The following MTAP variants were observed in gnomAD, a reference collection of about 807,000 sequenced individuals.
The protein encoded by MTAP is S-methyl-5'-thioadenosine phosphorylase.
Under a neutral mutation model 33.6 loss-of-function variants are expected in MTAP, and 33 were observed. That is an observed-to-expected ratio of 0.98 (90% CI 0.74 to 1.31). The LOEUF is 1.31. Among genes scored for constraint, MTAP ranks in the 40% most tolerant of loss-of-function variants. MTAP has a pLI of 0.00. For missense variants in MTAP, 367 were observed against 360.0 expected, an observed-to-expected ratio of 1.02 and a Z score of -0.16; for synonymous variants, 148 against 125.7, an observed-to-expected ratio of 1.18 and a Z score of -1.19.
intron 1 of MTAP, among the ~76,000 whole-genome samples, chr9:21,882,056 C>T (rs1041972232): frequency 1.3e-5 from 2 of 151,878 alleles, no homozygotes; most frequent in African/African-American, 2.4e-5. Context: ...GAAGTATTTC[C>T]TTCATTTAGC....
At chr9:21,822,461 G>C (rs1824668326) in intron 4 of MTAP, among the ~76,000 whole-genome samples, 2 of 152,068 alleles carry the variant, frequency 1.3e-5, no homozygotes, top group African/African-American at 4.8e-5. Flanking sequence ...TCTTAATCCT[G>C]AGTTCTAGTT....
intron 1 of MTAP, among the ~76,000 whole-genome samples, chr9:21,923,304 G>T (rs1818818023): frequency 6.6e-6 from 1 of 152,172 alleles, no homozygotes; most frequent in Non-Finnish European, 1.5e-5. Flanking sequence ...GGTGGCTTTT[G>T]AAGCAGTTTT....
At position 21,837,896 on chromosome 9, in the gene MTAP, T is replaced by A. The variant is rs752958978; in HGVS notation, c.348-12T>A. 1.2e-6 allele frequency: 2 copies of A among 1,608,626 alleles called. No individual in the cohort carries two copies. The highest frequency in any genetic ancestry group is 1.3e-5 in the African/African-American group (1 of 74,726). On this transcript the variant is annotated splice_polypyrimidine_tract_variant and intron_variant, in intron 4 of 7. Coordinates refer to ENST00000644715, the MANE Select transcript of MTAP (RefSeq NM_002451.4). ...TAAAACAAACAAAAACCTTTTTTGCTTTATTTTGTAGGACCACTATGAGAC... is the reference window on the plus strand; with the variant it reads ...TAAAACAAACAAAAACCTTTTTTGCATTATTTTGTAGGACCACTATGAGAC...
intron 5 of MTAP, among the ~76,000 whole-genome samples, chr9:21,854,001 C>G (rs776127543): frequency 2.0e-5 from 3 of 152,116 alleles, no homozygotes; most frequent in Non-Finnish European, 4.4e-5. Context: ...AATGATGTTT[C>G]TAAAAATCCA....
At chr9:21,914,373 A>G (rs1314164813) in intron 1 of MTAP, among the ~76,000 whole-genome samples, 2 of 152,160 alleles carry the variant, frequency 1.3e-5, no homozygotes, top group Non-Finnish European at 2.9e-5. Context: ...AAAGACTTGG[A>G]ACCGACCCAA....
chr9:21,937,172 C>T (rs1214717488), exon 8 of MTAP: 1 of 152,192 alleles, frequency 6.6e-6, no homozygotes, highest in Non-Finnish European at 1.5e-5. Context: ...AACTCCATCT[C>T]TACTAAAAAT....
At chr9:21,824,272 G>T (rs1187424535) in intron 4 of MTAP, among the ~76,000 whole-genome samples, 1 of 152,170 alleles carries the variant, frequency 6.6e-6, no homozygotes, top group African/African-American at 2.4e-5. Context: ...ACATACAGAT[G>T]TGGTTTTGGT....
chr9:21,894,734 T>A (rs1327021406), intron 1 of MTAP, among the ~76,000 whole-genome samples: 1 of 151,398 alleles, frequency 6.6e-6, no homozygotes, highest in Non-Finnish European at 1.5e-5. Context: ...ACCCTAGAAC[T>A]CAAAGTGTAA....
rs1186355812 is a variant in MTAP, at chr9:21,864,830, G to A, written c.*2816G>A. ...ACGTGAGCCTGCTCTGGCATCCACA[G>A]GATGCTCCTGGAGCCTCTTCTCTGG... On this transcript the variant is annotated 3_prime_UTR_variant, in exon 8 of 8. Coordinates refer to ENST00000644715, the MANE Select transcript of MTAP (RefSeq NM_002451.4). 1.0e-6 allele frequency: 1 copy of A among 985,382 alleles called. No individual in the cohort carries two copies. 61.0% of individuals were successfully genotyped at this position (985,382 alleles called of 1,614,324 possible).
At chr9:21,919,522 A>T (rs959285505) in intron 1 of MTAP, among the ~76,000 whole-genome samples, 1 of 152,232 alleles carries the variant, frequency 6.6e-6, no homozygotes, top group Non-Finnish European at 1.5e-5. Context: ...CTGGGTTCAG[A>T]TGTGGACTAG....
rs912028389 is a variant in MTAP at position 21,922,568 on chromosome 9, C to A, written c.148-8440C>A. On this transcript the variant is annotated intron_variant, in intron 1 of 1. Transcript: ENST00000577563. This position sits in a 1 kb window ranked among gnomAD's most constrained non-coding sequence, Gnocchi z 4.8. The stretch of plus-strand genomic sequence containing the variant: ...GGCAAGAAACAAGTTCTTGCAGACC[C>A]ATACAGATTCACTGCTGCTAACATA... Among the ~76,000 whole-genome samples, 2 of 152,162 alleles carry A rather than the reference C, an allele frequency of 1.3e-5. No homozygotes were observed. The highest frequency in any genetic ancestry group is 2.9e-5 in the Non-Finnish European group (2 of 68,028).
intron 1 of MTAP, among the ~76,000 whole-genome samples, chr9:21,881,036 G>A (rs1414302728): frequency 1.3e-5 from 2 of 152,164 alleles, no homozygotes; most frequent in South Asian, 2.1e-4. Flanking sequence ...AATCAAAACA[G>A]TGTGGTACTG....
chr9:21,802,985 A>AACAC (rs753392319), intron 1 of MTAP: 10,421 of 442,030 alleles, frequency 0.024, 111 homozygotes, highest in Admixed American at 0.027. Context: ...CCGCACCGCC[A>AACAC]ACACACACAC....
intron 1 of MTAP, among the ~76,000 whole-genome samples, chr9:21,814,576 A>G (rs1483661786): frequency 6.6e-6 from 1 of 151,942 alleles, no homozygotes; most frequent in African/African-American, 2.4e-5. Context: ...TATTTTTGTA[A>G]TTGTTCTTGT....
chr9:21,888,958 A>G (rs2118738638), intron 1 of MTAP, among the ~76,000 whole-genome samples: 1 of 152,274 alleles, frequency 6.6e-6, no homozygotes, highest in East Asian at 1.9e-4. Context: ...GAAACCCTAC[A>G]AGCTAGAAGA....
At chr9:21,802,965 G>T in intron 1 of MTAP, 184 bp downstream of exon 1, 6 of 1,258,774 alleles carry the variant, frequency 4.8e-6, no homozygotes, top group Non-Finnish European at 6.0e-6. Context: ...GCTTGCAAAT[G>T]ATCCCCCTGC....
chr9:21,915,005 TTCCTTCCTTCC>T (rs1563869295), intron 1 of MTAP, among the ~76,000 whole-genome samples: 34 of 12,432 alleles, frequency 2.7e-3, no homozygotes, highest in African/African-American at 0.011. Flanking sequence ...TTTTCTTTCC[TTCCTTCCTTCC>T]TTCCTTCCTT....
At chr9:21,870,522 C>T (rs1422061683), downstream of MTAP, among the ~76,000 whole-genome samples, 1 of 152,136 alleles carries the variant, frequency 6.6e-6, no homozygotes, top group Non-Finnish European at 1.5e-5. Flanking sequence ...CCTCCCACAC[C>T]TCATGGCACT....
chr9:21,884,660 C>T (rs1013761647), intron 1 of MTAP, among the ~76,000 whole-genome samples: 5 of 152,100 alleles, frequency 3.3e-5, no homozygotes, highest in African/African-American at 7.2e-5. Flanking sequence ...CGCTAGTGAA[C>T]TCTAGTTTCT....
Sources: allele counts gnomAD v4.1 joint callset (sites outside exome capture counted in the v4.1 genomes callset), GRCh38; gene constraint gnomAD v4.1.1; non-coding constraint Gnocchi (gnomAD v3.1); transcripts MANE v1.5; gene names NCBI Gene and HGNC (gene_info 2026-07-23, HGNC 2026-07-21).